The following KIF13B variants were observed in gnomAD, a reference collection of about 807,000 sequenced individuals.
KIF13B encodes the protein kinesin-like protein KIF13B.
In KIF13B, 127 loss-of-function variants were observed where a neutral mutation model predicts 222.0. That is an observed-to-expected ratio of 0.57 (90% CI 0.50 to 0.66). The LOEUF (loss-of-function observed/expected upper bound fraction) is 0.66, where lower values mean the gene tolerates loss of function less well. KIF13B is among the 30% of genes least tolerant of loss of function. The pLI, the probability that KIF13B is intolerant of heterozygous loss-of-function variation, is 0.00. For synonymous variants in KIF13B, 976 were observed against 919.0 expected, an observed-to-expected ratio of 1.06 and a Z score of -1.12; for missense variants, 2,173 against 2,379.0, an observed-to-expected ratio of 0.91 and a Z score of 1.80.
intron 3 of KIF13B, among the ~76,000 whole-genome samples, chr8:29,193,435 G>A (rs1813277699): frequency 6.6e-6 from 1 of 152,202 alleles, no homozygotes; most frequent in South Asian, 2.1e-4. Context: ...TTACAGCAGA[G>A]TAGGAGTAAA....
chr8:29,222,041 G>A (rs12682543), intron 2 of KIF13B, among the ~76,000 whole-genome samples: 82,667 of 151,764 alleles, frequency 0.54, 24,724 homozygotes, highest in Middle Eastern at 0.74. Flanking sequence ...CTCTATCACT[G>A]TTTTCTATAA....
chr8:29,173,171 T>A (rs1230682252), intron 10 of KIF13B, among the ~76,000 whole-genome samples: 1 of 152,072 alleles, frequency 6.6e-6, no homozygotes, highest in Non-Finnish European at 1.5e-5. Flanking sequence ...CACCTAGGCC[T>A]CCCAAAGTGC....
chr8:29,151,898 T>C (rs1377717833), intron 14 of KIF13B, among the ~76,000 whole-genome samples: 3 of 138,542 alleles, frequency 2.2e-5, no homozygotes, highest in Non-Finnish European at 5.1e-5. Context: ...CTATAGACAG[T>C]GATTCTTCTA....
At chr8:29,129,079 CATCAT>C (rs1161429898) in intron 24 of KIF13B, among the ~76,000 whole-genome samples, 5 of 152,096 alleles carry the variant, frequency 3.3e-5, no homozygotes, top group African/African-American at 9.7e-5. Context: ...CGGTTTTTGC[CATCAT>C]ATAAGAAAAA....
intron 35 of KIF13B, among the ~76,000 whole-genome samples, chr8:29,104,218 TC>T (rs1808939707): frequency 6.6e-6 from 1 of 151,950 alleles, no homozygotes; most frequent in Admixed American, 6.6e-5. Context: ...AAACCTGGCT[TC>T]AACTCGGACA....
chr8:29,259,726 A>G (rs774291192), intron 1 of KIF13B, among the ~76,000 whole-genome samples: 2 of 152,256 alleles, frequency 1.3e-5, no homozygotes, highest in Non-Finnish European at 2.9e-5. Flanking sequence ...TTAATAATGT[A>G]TGAATGGGTG....
At chr8:29,172,211 G>C (rs1376165733) in intron 10 of KIF13B, among the ~76,000 whole-genome samples, 1 of 151,250 alleles carries the variant, frequency 6.6e-6, no homozygotes, top group African/African-American at 2.4e-5. Context: ...CTCCCGAGTA[G>C]CTGGAACTAC....
chr8:29,147,495 G>A lies in KIF13B; in HGVS notation c.1921C>T (p.Arg641Trp), dbSNP rs1306830181. ...LMYEHELEQL[R>W]RRLSPEKQNC... ...TGCTTCTCAGGAGACAGCCTTCTCC[G>A]GAGCTGCTCCAATTCGTGCTCATAC... Residue 641 changes from arginine (R) to tryptophan (W), a missense_variant, in exon 17 of 40, where the codon CGG becomes TGG. Physicochemically the swap from Arg to Trp is moderately radical, Grantham distance 101. Coordinates refer to ENST00000524189, the MANE Select transcript of KIF13B (RefSeq NM_015254.4). The A allele has an allele frequency of 2.5e-6, 4 of 1,613,434 alleles. No individual in the cohort carries two copies. Among genetic ancestry groups the A allele is most frequent in the Admixed American group, 1.7e-5 (1 of 59,976 alleles).
chr8:29,191,322 C>T (rs1813174644), intron 3 of KIF13B, among the ~76,000 whole-genome samples: 1 of 152,146 alleles, frequency 6.6e-6, no homozygotes, highest in South Asian at 2.1e-4. Context: ...CACAGAATTA[C>T]ATCTATAGTT....
At chr8:29,119,910 G>A (rs564914886) in intron 29 of KIF13B, among the ~76,000 whole-genome samples, 2 of 152,248 alleles carry the variant, frequency 1.3e-5, no homozygotes, top group Admixed American at 6.5e-5. Context: ...ACTGCATCTC[G>A]CTGTCAGCTA....
At chr8:29,152,817 A>G (rs1811358670) in intron 14 of KIF13B, among the ~76,000 whole-genome samples, 1 of 152,124 alleles carries the variant, frequency 6.6e-6, no homozygotes, top group Non-Finnish European at 1.5e-5. Context: ...ACCTCAAGTA[A>G]TCCGCCCACC....
intron 2 of KIF13B, among the ~76,000 whole-genome samples, chr8:29,237,994 T>C (rs1176167768): frequency 6.6e-6 from 1 of 152,212 alleles, no homozygotes; most frequent in Non-Finnish European, 1.5e-5. Flanking sequence ...AGCCCCATTA[T>C]GAAATTAAAA....
chr8:29,093,795 G>A (rs1054667081), intron 36 of KIF13B, among the ~76,000 whole-genome samples: 4 of 151,860 alleles, frequency 2.6e-5, no homozygotes, highest in African/African-American at 7.3e-5. Context: ...TCATGAGGGC[G>A]ACCACTGAAA....
At chr8:29,183,277 G>C (rs377256891) in intron 6 of KIF13B, among the ~76,000 whole-genome samples, 1 of 144,258 alleles carries the variant, frequency 6.9e-6, no homozygotes, top group African/African-American at 2.6e-5. Flanking sequence ...TCATCCTCCC[G>C]AATAGCTGGG....
chr8:29,179,442 C>T (rs1368453760), intron 8 of KIF13B, among the ~76,000 whole-genome samples: 3 of 152,212 alleles, frequency 2.0e-5, no homozygotes, highest in South Asian at 2.1e-4. Context: ...CATTGGCTCA[C>T]GCAGTTAGCC....
intron 32 of KIF13B, 37 bp from the exon 33 acceptor site, chr8:29,110,107 T>G: frequency 6.5e-7 from 1 of 1,528,786 alleles, no homozygotes; most frequent in East Asian, 2.4e-5. Context: ...AAAAGCTTCT[T>G]GATGTACACA....
intron 2 of KIF13B, among the ~76,000 whole-genome samples, chr8:29,213,676 C>T (rs1201218026): frequency 6.6e-6 from 1 of 152,082 alleles, no homozygotes; most frequent in Non-Finnish European, 1.5e-5. Flanking sequence ...GGGCCAGGCA[C>T]AGTGGCTCAC....
At chr8:29,189,414 C>T (rs536570918) in intron 4 of KIF13B, 2 of 151,368 alleles carry the variant, frequency 1.3e-5, no homozygotes, top group East Asian at 3.9e-4. Flanking sequence ...CAATATGATG[C>T]TTAATATTTA....
At chr8:29,254,259 C>T (rs1816388929) in intron 1 of KIF13B, among the ~76,000 whole-genome samples, 1 of 152,156 alleles carries the variant, frequency 6.6e-6, no homozygotes, top group Non-Finnish European at 1.5e-5. Flanking sequence ...TGAAAATCCA[C>T]ATGATGTTAG....
Sources: gnomAD v4.1 joint callset for allele counts (sites outside exome capture counted in the v4.1 genomes callset) on GRCh38, gnomAD v4.1.1 for gene constraint, MANE v1.5 for transcripts, NCBI Gene and HGNC (gene_info 2026-07-23, HGNC 2026-07-21) for gene names.